MEF2D: variants seen among roughly 807,000 people sequenced by gnomAD.
The protein encoded by MEF2D is myocyte enhancer factor 2D.
In MEF2D, 10 loss-of-function variants were observed where a neutral mutation model predicts 59.3. The ratio of observed to expected loss-of-function variants is 0.17; its 90% CI spans 0.10 to 0.29. MEF2D has a LOEUF of 0.29. Among genes scored for constraint, MEF2D ranks in the 10% least tolerant of loss-of-function variants. The probability of loss-of-function intolerance (pLI) is 1.00; values close to 1 mark genes in which losing one functional copy is unlikely to be tolerated. For synonymous variants in MEF2D, 305 were observed against 295.0 expected, an observed-to-expected ratio of 1.03 and a Z score of -0.35; for missense variants, 508 against 699.4, an observed-to-expected ratio of 0.73 and a Z score of 3.09.
intron 4 of MEF2D, among the ~76,000 whole-genome samples, chr1:156,480,310 T>C (rs781191684): frequency 3.0e-4 from 45 of 152,130 alleles, no homozygotes; most frequent in Admixed American, 7.9e-4. Flanking sequence ...GTGTCTCTGG[T>C]TGGGCTATCA....
intron 1 of MEF2D, among the ~76,000 whole-genome samples, chr1:156,492,240 A>C (rs1571268303): frequency 6.6e-6 from 1 of 152,318 alleles, no homozygotes; most frequent in Non-Finnish European, 1.5e-5. Context: ...CCATTTCCAA[A>C]ACGCATCCAC....
intron 7 of MEF2D, 57 bp from the exon 8 acceptor site, chr1:156,476,571 A>G: frequency 1.9e-6 from 3 of 1,589,706 alleles, no homozygotes; most frequent in Non-Finnish European, 1.7e-6. Context: ...GCCCTCCCCC[A>G]CACCTCTGTC....
chr1:156,478,826 G>A (rs944795475), intron 6 of MEF2D, among the ~76,000 whole-genome samples: 11 of 152,154 alleles, frequency 7.2e-5, no homozygotes, highest in African/African-American at 2.4e-4. Flanking sequence ...CACCATGCCC[G>A]GCCTCTTCTG....
At chr1:156,470,800 T>A (rs1454966651) in intron 9 of MEF2D, among the ~76,000 whole-genome samples, 1 of 152,174 alleles carries the variant, frequency 6.6e-6, no homozygotes, top group South Asian at 2.1e-4. Context: ...ATCTGGTTCA[T>A]AGAAAATAAT....
rs959602414 is a variant in MEF2D at position 156,497,035 on chromosome 1, C to T, written c.-139+3451G>A. 4.6e-5 allele frequency among the ~76,000 whole-genome samples: 7 copies of T among 152,338 alleles called. 1 individual carries two copies. In the South Asian group the frequency reaches 1.0e-3, roughly 23 times the overall value. On this transcript the variant is annotated intron_variant, in intron 1 of 11. Transcript: ENST00000348159. ...AAAGTGCTTTGAGTTCCCCTCCTTT[C>T]CTATGCAAAATTAGAGCCATCTCTC...
intron 1 of MEF2D, among the ~76,000 whole-genome samples, chr1:156,500,187 C>A (rs967759232): frequency 6.6e-6 from 1 of 152,174 alleles, no homozygotes; most frequent in Non-Finnish European, 1.5e-5. Context: ...ACCCCCTACA[C>A]GAACAGGCGG....
At chr1:156,467,851 T>C (rs1259824927) in intron 11 of MEF2D, 142 bp downstream of exon 11, 2 of 1,159,032 alleles carry the variant, frequency 1.7e-6, no homozygotes, top group Non-Finnish European at 2.4e-6. Context: ...GAAGGGGTGT[T>C]GGTGCTGCCC....
intron 4 of MEF2D, chr1:156,480,592 C>G (rs1009467128): frequency 4.7e-6 from 7 of 1,505,090 alleles, no homozygotes; most frequent in Non-Finnish European, 5.3e-6. Context: ...AGCCAGGGCG[C>G]GAAGCCACAC....
chr1:156,486,170 C>A (rs958875006), intron 1 of MEF2D, among the ~76,000 whole-genome samples: 11 of 152,290 alleles, frequency 7.2e-5, no homozygotes, highest in Non-Finnish European at 7.4e-5. Flanking sequence ...GCCCAGCCAG[C>A]CCTGAGTGGC....
chr1:156,468,099 C>T lies in MEF2D; in HGVS notation c.1448G>A (p.Arg483Gln), dbSNP rs766870497. 7.4e-6 allele frequency: 12 copies of T among 1,613,962 alleles called. No individual in the cohort carries two copies. The East Asian group carries it at 8.9e-5, about 12-fold the overall frequency. ...PAGGSYETGD[R>Q]DDGRGDFGPT... ...CCCGAAGTCCCCCCGTCCGTCATCC[C>T]GGTCTCCCGTCTCATAGGATCCCCC... is the stretch of plus-strand genomic sequence containing the variant. Residue 483 changes from arginine to glutamine, a missense_variant, in exon 11 of 12, where the codon CGG becomes CAG. Arg to Gln is a conservative substitution (Grantham distance 43, BLOSUM62 1). Transcript: ENST00000348159. The surrounding 1 kb of genome is among the most constrained non-coding windows in gnomAD (Gnocchi z 4.3).
rs200216812 is a variant in MEF2D at position 156,475,152 on chromosome 1, C to T, written c.962G>A (p.Ser321Asn). Residue 321 changes from serine (S) to asparagine (N), a missense_variant, in exon 9 of 12, where the codon AGC (serine) becomes AAC (asparagine). Coordinates refer to ENST00000348159, the MANE Select transcript of MEF2D (RefSeq NM_005920.4). ...VVSVATPSLL[S>N]QGLPFSSMPT... ...CATGGAAGAGAAGGGGAGGCCCTGGCTGAGTAAACTCGGCGTTGCCACAGA... is the reference window on the plus strand; with the variant it reads ...CATGGAAGAGAAGGGGAGGCCCTGGTTGAGTAAACTCGGCGTTGCCACAGA... The T allele has an allele frequency of 1.2e-6, 2 of 1,614,242 alleles. No individual in the cohort carries two copies. The highest frequency in any genetic ancestry group is 1.7e-6 in the Non-Finnish European group (2 of 1,180,034).
intron 2 of MEF2D, 72 bp downstream of exon 2, chr1:156,483,167 G>A (rs1194398560): frequency 6.8e-7 from 1 of 1,476,132 alleles, no homozygotes; most frequent in Non-Finnish European, 9.5e-7. Flanking sequence ...CTCTTGGAAT[G>A]CCTGAAGGGA....
chr1:156,477,213 GACA>G lies in MEF2D; in HGVS notation c.665-14_665-12del, dbSNP rs1421131284. On this transcript the variant is annotated splice_polypyrimidine_tract_variant and intron_variant, in intron 6 of 11. Coordinates refer to ENST00000348159, the MANE Select transcript of MEF2D (RefSeq NM_005920.4). ...TGACGTAGCCATTCCCTGGAGAAGT[GACA>G]ACAAGAGGGTAAAAGGAAAAACATG... 21 of 1,580,548 alleles carry G rather than the reference GACA, an allele frequency of 1.3e-5. No individual in the cohort carries two copies. The highest frequency in any genetic ancestry group is 1.4e-5 in the Non-Finnish European group (16 of 1,162,468).
At chr1:156,487,341 A>C (rs1201566768) in intron 1 of MEF2D, among the ~76,000 whole-genome samples, 2 of 152,174 alleles carry the variant, frequency 1.3e-5, no homozygotes, top group Non-Finnish European at 2.9e-5. Context: ...AGCCCAAAGC[A>C]CTTTTTATAA....
intron 3 of MEF2D, among the ~76,000 whole-genome samples, chr1:156,481,841 C>T (rs1049738091): frequency 4.6e-5 from 7 of 152,244 alleles, no homozygotes; most frequent in Non-Finnish European, 8.8e-5. Context: ...AAAGCAGGCA[C>T]TGACCCCATT....
At chr1:156,479,437 G>A (rs1671836895) in intron 5 of MEF2D, 91 bp from the exon 6 acceptor site, 1 of 1,506,582 alleles carries the variant, frequency 6.6e-7, no homozygotes, top group South Asian at 1.2e-5. Flanking sequence ...GACCCCAGGA[G>A]GAAGAGTCAT....
At position 156,467,500 on chromosome 1, in the gene MEF2D, T is replaced by C. The variant is rs1571210201; in HGVS notation, c.*145A>G. 2 of 425,648 alleles carry C rather than the reference T, an allele frequency of 4.7e-6. No homozygotes were observed. The highest frequency in any genetic ancestry group is 5.9e-4 in the Middle Eastern group (1 of 1,706). The allele number at this position is 425,648 out of a possible 1,614,324, so 26.4% of individuals were successfully genotyped here. The stretch of plus-strand genomic sequence containing the variant: ...AATAATAATAATAATAATATAATAA[T>C]TATACACAAATGTAACCGTCAACAG... On this transcript the variant is annotated 3_prime_UTR_variant, in exon 12 of 12. Coordinates refer to ENST00000348159, the MANE Select transcript of MEF2D (RefSeq NM_005920.4).
At chr1:156,497,004 G>A (rs1228572787) in intron 1 of MEF2D, among the ~76,000 whole-genome samples, 1 of 152,194 alleles carries the variant, frequency 6.6e-6, no homozygotes, top group Non-Finnish European at 1.5e-5. Flanking sequence ...AGAGCCACTG[G>A]AAAAGAAAGT....
chr1:156,479,790 C>G lies in MEF2D; in HGVS notation c.403G>C (p.Val135Leu), dbSNP rs1429805780. The change falls in exon 5 of 12, where the codon GTC (valine) becomes CTC (leucine). Residue 135 changes from valine to leucine, a missense_variant. This residue lies in a region of MEF2D where 481 missense variants were observed against 584.7 expected (regional missense o/e 0.82). Transcript: ENST00000348159. ...DGLFRRYGST[V>L]PAPNFAMPVT... ...GGCATGGCAAAGTTGGGGGCCGGGA[C>G]AGTTGACTAGACAGAAAGATGGAGG... 1 of 1,551,528 alleles carries G rather than the reference C, an allele frequency of 6.4e-7. No individual in the cohort carries two copies. The highest frequency in any genetic ancestry group is 2.4e-5 in the East Asian group (1 of 40,908).
Sources: allele counts gnomAD v4.1 joint callset (sites outside exome capture counted in the v4.1 genomes callset), GRCh38; gene constraint gnomAD v4.1.1; regional missense constraint gnomAD v4.1.1; non-coding constraint Gnocchi (gnomAD v3.1); transcripts MANE v1.5; gene names NCBI Gene and HGNC (gene_info 2026-07-23, HGNC 2026-07-21).